The following DNAH11 variants were observed in gnomAD, a reference collection of about 807,000 sequenced individuals.
DNAH11 encodes the protein axonemal beta dynein heavy chain 11.
DNAH11 carries 442 observed loss-of-function variants against 526.0 expected under a neutral mutation model. The ratio of observed to expected loss-of-function variants is 0.84; its 90% confidence interval spans 0.78 to 0.91. The LOEUF (loss-of-function observed/expected upper bound fraction) is 0.91. Among genes scored for constraint, DNAH11 ranks in the 40% least tolerant of loss-of-function variants. DNAH11 has a pLI of 0.00. For synonymous variants in DNAH11, 2,461 were observed against 1,935.9 expected (o/e 1.27, Z -7.12); for missense variants, 6,989 against 5,448.7 (o/e 1.28, Z -8.90).
At chr7:21,619,056 C>T (rs758486955) in intron 23 of DNAH11, 44 bp from the exon 24 acceptor site, 2 of 1,610,686 alleles carry the variant, frequency 1.2e-6, no homozygotes, top group Non-Finnish European at 1.7e-6. Context: ...AGGAACCGTT[C>T]ATATATGTGG....
intron 54 of DNAH11, among the ~76,000 whole-genome samples, chr7:21,755,547 A>G (rs570207367): frequency 6.6e-6 from 1 of 152,198 alleles, no homozygotes; most frequent in South Asian, 2.1e-4. Context: ...AATTTAAAAA[A>G]TATGTGTTCA....
At chr7:21,587,975 A>G (rs1044860905) in intron 9 of DNAH11, 89 bp from the exon 10 acceptor site, 3 of 1,238,408 alleles carry the variant, frequency 2.4e-6, no homozygotes, top group Non-Finnish European at 3.3e-6. Context: ...AACTTTAGTC[A>G]TGTAAGAGGT....
In DNAH11 at chr7:21,748,900, C is replaced by T. The variant is rs989566494; in HGVS notation, c.8673+158C>T. Among the ~76,000 whole-genome samples, 6 of 152,244 alleles carry T rather than the reference C, an allele frequency of 3.9e-5. No homozygotes were observed. The East Asian group carries it at 5.8e-4, about 15-fold the overall frequency. ...CTTTAAAGCAGTAATTGACCTTTGGCGGTTTTGCCTTTATGGTCAAATTAG... is the reference window on the plus strand; with the variant it reads ...CTTTAAAGCAGTAATTGACCTTTGGTGGTTTTGCCTTTATGGTCAAATTAG... On this transcript the variant is annotated intron_variant, in intron 52 of 81. Coordinates refer to ENST00000409508, the MANE Select transcript of DNAH11 (RefSeq NM_001277115.2).
At chr7:21,783,316 G>A (rs1268471091) in intron 57 of DNAH11, among the ~76,000 whole-genome samples, 1 of 152,192 alleles carries the variant, frequency 6.6e-6, no homozygotes. Context: ...AAAAGGTACA[G>A]TACACAGCAA....
At chr7:21,799,011 G>A (rs1230175232) in intron 61 of DNAH11, among the ~76,000 whole-genome samples, 1 of 152,044 alleles carries the variant, frequency 6.6e-6, no homozygotes, top group Non-Finnish European at 1.5e-5. Flanking sequence ...TTAGGGTTCT[G>A]AATGTAACAG....
chr7:21,572,523 C>CT (rs1331838276), intron 8 of DNAH11, among the ~76,000 whole-genome samples: 3 of 152,200 alleles, frequency 2.0e-5, no homozygotes, highest in Non-Finnish European at 2.9e-5. Context: ...AGCCAGGGAG[C>CT]TACCTGTGAG....
chr7:21,662,203 T>C (rs946586296), intron 30 of DNAH11, among the ~76,000 whole-genome samples: 3 of 152,196 alleles, frequency 2.0e-5, no homozygotes, highest in East Asian at 1.9e-4. Flanking sequence ...ATGACAATAA[T>C]GATGATGGTG....
In DNAH11 at chr7:21,884,295, C is replaced by T; in HGVS notation, c.12392C>T (p.Pro4131Leu). The T allele has an allele frequency of 6.2e-7, 1 of 1,605,756 alleles. No individual in the cohort carries two copies. The highest frequency in any genetic ancestry group is 8.5e-7 in the Non-Finnish European group (1 of 1,176,748). Residue 4131 changes from proline (P) to leucine (L), a missense_variant, in exon 76 of 82, where the codon CCA becomes CTA. By Grantham distance (98) the Pro-to-Leu change is moderately conservative. Transcript: ENST00000409508. ...TTTGTGTGGTTTTCTCCACAGGTCC[C>T]ATGGGAAGATCTCCGTTATCTCTTT... ...YNYLEANSKV[P>L]WEDLRYLFGE...
intron 49 of DNAH11, 76 bp downstream of exon 49, chr7:21,742,242 G>A (rs2128490964): frequency 6.7e-7 from 1 of 1,493,450 alleles, no homozygotes; most frequent in East Asian, 2.3e-5. Context: ...CATTTTTTAT[G>A]TCACTATAGA....
intron 56 of DNAH11, among the ~76,000 whole-genome samples, chr7:21,776,363 A>C (rs1787672435): frequency 6.6e-6 from 1 of 152,234 alleles, no homozygotes; most frequent in African/African-American, 2.4e-5. Context: ...TTTAGAAATA[A>C]GTGGGTTATA....
At chr7:21,814,638 T>A (rs1048232292) in intron 63 of DNAH11, among the ~76,000 whole-genome samples, 1 of 151,640 alleles carries the variant, frequency 6.6e-6, no homozygotes, top group Non-Finnish European at 1.5e-5. Context: ...ACAAAATTTA[T>A]TTTTAAAATA....
At chr7:21,577,170 T>TAAAAGCC in intron 8 of DNAH11, among the ~76,000 whole-genome samples, 1 of 152,296 alleles carries the variant, frequency 6.6e-6, no homozygotes, top group South Asian at 2.1e-4. Flanking sequence ...AGAAGCCCAG[T>TAAAAGCC]AAAAGCCTGA....
At position 21,826,115 on chromosome 7, in the gene DNAH11, A is replaced by T. The variant is rs148329124; in HGVS notation, c.10691+7776A>T. 1.2e-3 allele frequency among the ~76,000 whole-genome samples: 189 copies of T among 152,346 alleles called. 1 individual carries two copies. Among genetic ancestry groups the T allele is most frequent in the African/African-American group, 4.0e-3 (168 of 41,582 alleles). On this transcript the variant is annotated intron_variant, in intron 65 of 81. Coordinates refer to ENST00000409508, the MANE Select transcript of DNAH11 (RefSeq NM_001277115.2). Reference sequence around the variant, plus strand: ...CATTGAAAGCACAGACTTCACCACCACACAATATATCCAGGTGACAAAGCT... The same window carrying T: ...CATTGAAAGCACAGACTTCACCACCTCACAATATATCCAGGTGACAAAGCT...
intron 45 of DNAH11, among the ~76,000 whole-genome samples, chr7:21,726,516 A>T (rs1252137588): frequency 6.6e-6 from 1 of 151,816 alleles, no homozygotes; most frequent in Non-Finnish European, 1.5e-5. Context: ...TTGTGTTAAT[A>T]TGCTCAGCAT....
intron 14 of DNAH11, among the ~76,000 whole-genome samples, chr7:21,595,784 G>A (rs1784837870): frequency 6.6e-6 from 1 of 152,034 alleles, no homozygotes; most frequent in African/African-American, 2.4e-5. Context: ...TAAGCCAGGA[G>A]ACTGGATGTG....
chr7:21,778,871 T>C (rs1463332350), intron 56 of DNAH11, 87 bp from the exon 57 acceptor site: 18 of 1,480,406 alleles, frequency 1.2e-5, no homozygotes, highest in Non-Finnish European at 1.2e-5. Context: ...TTGTTAGAGA[T>C]CCCTGAATTC....
chr7:21,666,996 A>G (rs754123534), intron 30 of DNAH11, among the ~76,000 whole-genome samples: 8 of 152,168 alleles, frequency 5.3e-5, no homozygotes, highest in Non-Finnish European at 1.0e-4. Context: ...GACTAAGAAC[A>G]GAGAAAATCA....
Position 21,588,075 on chromosome 7 carries a change from A to G in DNAH11, c.1722A>G (p.Ile574Met). The G allele has an allele frequency of 6.2e-7, 1 of 1,613,060 alleles. No homozygotes were observed. The highest frequency in any genetic ancestry group is 8.5e-7 in the Non-Finnish European group (1 of 1,179,572). The change falls in exon 10 of 82, where the codon ATA becomes ATG. Residue 574 changes from isoleucine to methionine, a missense_variant. Physicochemically the swap from Ile to Met is conservative, Grantham distance 10 (BLOSUM62 1). Coordinates refer to ENST00000409508, the MANE Select transcript of DNAH11 (RefSeq NM_001277115.2). ...GLEAAFKLLT[I>M]FGNFLEKPVV... ...TTTGATTTTTATAGCTTTTGACCAT[A>G]TTTGGAAATTTTCTAGAGAAGCCAG...
chr7:21,808,102 C>A, intron 63 of DNAH11, 53 bp downstream of exon 63: 1 of 1,329,454 alleles, frequency 7.5e-7, no homozygotes, highest in South Asian at 2.6e-5. Flanking sequence ...ATTGAAATTT[C>A]AGTAGTAAAA....
Sources: allele counts gnomAD v4.1 joint callset (sites outside exome capture counted in the v4.1 genomes callset), GRCh38; gene constraint gnomAD v4.1.1; transcripts MANE v1.5; gene names NCBI Gene and HGNC (gene_info 2026-07-23, HGNC 2026-07-21).